Variants in LIFR observed in about 807,000 individuals in gnomAD.
LIFR encodes the protein LIF receptor subunit alpha, also known as leukemia inhibitory factor receptor.
In LIFR, 84 loss-of-function variants were observed where a neutral mutation model predicts 122.2. The observed-to-expected ratio is 0.69, with a 90% CI of 0.58 to 0.82. The LOEUF (loss-of-function observed/expected upper bound fraction) is 0.82. Ranked by LOEUF, LIFR falls within the 40% of genes least tolerant of loss-of-function variation. The pLI is 0.00. For missense variants in LIFR, 1,294 were observed against 1,311.6 expected (o/e 0.99, Z 0.21); for synonymous variants, 422 against 434.7 (o/e 0.97, Z 0.36).
At chr5:38,601,942 A>G (rs555762360) in intron 2 of LIFR, among the ~76,000 whole-genome samples, 1 of 152,252 alleles carries the variant, frequency 6.6e-6, no homozygotes, top group South Asian at 2.1e-4. Context: ...AATAACACCA[A>G]TGTCCATCCA....
chr5:38,484,674 C>A (rs891449373), intron 18 of LIFR, 101 bp downstream of exon 18: 6 of 780,964 alleles, frequency 7.7e-6, no homozygotes, highest in Admixed American at 2.1e-5. Flanking sequence ...TAACTTATTA[C>A]AACAAAAAAG....
intron 4 of LIFR, among the ~76,000 whole-genome samples, chr5:38,523,883 T>C (rs1328580253): frequency 6.6e-6 from 1 of 152,176 alleles, no homozygotes; most frequent in African/African-American, 2.4e-5. Context: ...AAGGGGAACA[T>C]ATATATTATT....
intron 8 of LIFR, 81 bp from the exon 9 acceptor site, chr5:38,506,155 AT>A (rs1745467055): frequency 2.2e-6 from 2 of 892,010 alleles, no homozygotes; most frequent in Non-Finnish European, 3.5e-6. Flanking sequence ...GTAATACTTA[AT>A]TTGTATAAAA....
At chr5:38,587,088 G>T (rs1449343901) in intron 1 of LIFR, among the ~76,000 whole-genome samples, 2 of 152,030 alleles carry the variant, frequency 1.3e-5, no homozygotes, top group Non-Finnish European at 2.9e-5. Flanking sequence ...CATCCATTTG[G>T]AGAGTTTTAT....
At chr5:38,484,191 C>T (rs766195046) in intron 18 of LIFR, among the ~76,000 whole-genome samples, 46 of 152,248 alleles carry the variant, frequency 3.0e-4, no homozygotes, top group Non-Finnish European at 6.2e-4. Flanking sequence ...CAGGACGTAG[C>T]CCCCTGCTGG....
intron 1 of LIFR, among the ~76,000 whole-genome samples, chr5:38,585,533 T>A (rs1475016353): frequency 6.6e-6 from 1 of 152,208 alleles, no homozygotes; most frequent in Non-Finnish European, 1.5e-5. Context: ...CCATTAGGGT[T>A]AGAAGAAGAA....
intron 11 of LIFR, among the ~76,000 whole-genome samples, chr5:38,500,962 G>A (rs907773517): frequency 1.3e-5 from 2 of 152,166 alleles, no homozygotes; most frequent in Non-Finnish European, 2.9e-5. Flanking sequence ...CCTAGAGAGA[G>A]GCCCACAAGG....
intron 1 of LIFR, among the ~76,000 whole-genome samples, chr5:38,537,663 C>CT (rs1438736499): frequency 4.6e-4 from 5 of 10,892 alleles, no homozygotes; most frequent in Non-Finnish European, 9.1e-4. Context: ...CAAGGATTGT[C>CT]TTTAAAAAAA....
Position 38,478,823 on chromosome 5 carries a change from A to G in LIFR, c.*2772T>C, listed in dbSNP as rs1743842203. The G allele has an allele frequency of 4.5e-6, 1 of 222,542 alleles. No individual in the cohort carries two copies. Among genetic ancestry groups the G allele is most frequent in the South Asian group, 1.8e-4 (1 of 5,412 alleles). The allele number at this position is 222,542 out of a possible 1,614,324, so 13.8% of individuals were successfully genotyped here. On this transcript the variant is annotated 3_prime_UTR_variant, in exon 20 of 20. Transcript: ENST00000453190. ...TTTGACAATTAGATTTTTCTAACCA[A>G]TGACTGGGCTTTCACTGAGGAAAAG... is the stretch of plus-strand genomic sequence containing the variant.
At chr5:38,522,325 C>T (rs1746447453) in intron 5 of LIFR, among the ~76,000 whole-genome samples, 1 of 152,130 alleles carries the variant, frequency 6.6e-6, no homozygotes, top group Non-Finnish European at 1.5e-5. Flanking sequence ...TTTCCTCTTC[C>T]TTCCCTGCTT....
intron 17 of LIFR, chr5:38,485,575 T>A (rs764076694): frequency 2.6e-5 from 15 of 566,666 alleles, no homozygotes; most frequent in Non-Finnish European, 4.7e-5. Context: ...ACCTCTAGAC[T>A]TCAGATGTAT....
chr5:38,534,011 G>T (rs1209918989), intron 1 of LIFR, among the ~76,000 whole-genome samples: 1 of 152,182 alleles, frequency 6.6e-6, no homozygotes, highest in African/African-American at 2.4e-5. Flanking sequence ...TACTGTAAAG[G>T]TAAATAAGCC....
intron 2 of LIFR, among the ~76,000 whole-genome samples, chr5:38,603,144 C>T (rs984638956): frequency 6.6e-6 from 1 of 152,182 alleles, no homozygotes; most frequent in African/African-American, 2.4e-5. Context: ...AAACACTGCA[C>T]TTGTTCTCCA....
At chr5:38,585,956 C>A (rs1447728921) in intron 1 of LIFR, among the ~76,000 whole-genome samples, 2 of 151,860 alleles carry the variant, frequency 1.3e-5, no homozygotes. Context: ...GCAGTCAATC[C>A]CCTTCTGTTT....
Position 38,479,534 on chromosome 5 carries a change from A to T in LIFR, c.*2061T>A, listed in dbSNP as rs1440433220. ...ATATATTGACAGACAGAGATCAAACAATCTCTTCTGGCCTTTTCTCATTAT... is the reference window on the plus strand; with the variant it reads ...ATATATTGACAGACAGAGATCAAACTATCTCTTCTGGCCTTTTCTCATTAT... On this transcript the variant is annotated 3_prime_UTR_variant, in exon 20 of 20. Coordinates refer to ENST00000453190, the MANE Select transcript of LIFR (RefSeq NM_001127671.2). 4 of 231,514 alleles carry T rather than the reference A, an allele frequency of 1.7e-5. 1 individual carries two copies. Among genetic ancestry groups the T allele is most frequent in the East Asian group, 1.2e-4 (2 of 16,424 alleles). 14.3% of individuals were successfully genotyped at this position (231,514 alleles called of 1,614,324 possible). A position where few individuals can be genotyped will look rare whatever the true frequency, so the allele number is the denominator to read the frequency against.
chr5:38,513,759 A>AG (rs925501834), intron 5 of LIFR, among the ~76,000 whole-genome samples: 5 of 152,204 alleles, frequency 3.3e-5, no homozygotes, highest in African/African-American at 1.2e-4. Context: ...TCTAGAGGGA[A>AG]GGCCCCCATC....
intron 5 of LIFR, among the ~76,000 whole-genome samples, chr5:38,518,674 G>A (rs879076465): frequency 6.6e-6 from 1 of 152,168 alleles, no homozygotes; most frequent in Admixed American, 6.5e-5. Context: ...TATGTTACTG[G>A]TGTATGTATT....
At chr5:38,522,218 C>G (rs1314299224) in intron 5 of LIFR, among the ~76,000 whole-genome samples, 1 of 152,192 alleles carries the variant, frequency 6.6e-6, no homozygotes, top group Admixed American at 6.5e-5. Flanking sequence ...CACATCACGC[C>G]CCACTTGTGC....
At chr5:38,513,248 A>C (rs568117619) in intron 5 of LIFR, among the ~76,000 whole-genome samples, 1 of 152,344 alleles carries the variant, frequency 6.6e-6, no homozygotes, top group South Asian at 2.1e-4. Context: ...GATGTAGAAG[A>C]CCTGAGAAAA....
Sources: allele counts gnomAD v4.1 joint callset (sites outside exome capture counted in the v4.1 genomes callset), GRCh38; gene constraint gnomAD v4.1.1; transcripts MANE v1.5; gene names NCBI Gene and HGNC (gene_info 2026-07-23, HGNC 2026-07-21).